The following HEXB variants were observed in gnomAD, a reference collection of about 807,000 sequenced individuals.
HEXB encodes the protein hexosaminidase subunit beta.
A neutral mutation model predicts 71.2 loss-of-function variants in HEXB; 51 were observed. The ratio of observed to expected loss-of-function variants is 0.72; its 90% CI spans 0.57 to 0.90. The LOEUF (loss-of-function observed/expected upper bound fraction) is 0.90, where lower values mean the gene tolerates loss of function less well. HEXB is among the 40% of genes least tolerant of loss of function. The pLI is 0.00. For missense variants in HEXB, 617 were observed against 677.0 expected (o/e 0.91, Z 0.98); for synonymous variants, 266 against 249.3 (o/e 1.07, Z -0.63).
chr5:74,688,733 A>T (rs1290809425), intron 1 of HEXB, among the ~76,000 whole-genome samples: 1 of 152,194 alleles, frequency 6.6e-6, no homozygotes, highest in Non-Finnish European at 1.5e-5. Context: ...GCAGGAAGGT[A>T]ACAGGAACTC....
Position 74,665,414 on chromosome 5 carries a change from CTGTG to C in HEXB, c.-376-23894_-376-23891del, listed in dbSNP as rs34012729. Among the ~76,000 whole-genome samples the C allele has an allele frequency of 6.5e-4, 97 of 150,034 alleles. 1 individual carries two copies. The highest frequency in any genetic ancestry group is 1.3e-3 in the African/African-American group (53 of 40,968). ...TCCTCATGCCCACGCACACTTTTCT[CTGTG>C]TGTGTGTGTGTGTGTGTGTAGGAGG... On this transcript the variant is annotated intron_variant, in intron 1 of 13. Transcript: ENST00000511181.
chr5:74,713,746 C>G (rs1749608999), intron 7 of HEXB, 111 bp downstream of exon 7: 1 of 839,064 alleles, frequency 1.2e-6, no homozygotes, highest in Non-Finnish European at 2.0e-6. Context: ...TCACTGCAAC[C>G]TCCACCTCCC....
chr5:74,712,199 C>A, intron 6 of HEXB, among the ~76,000 whole-genome samples: 1 of 148,714 alleles, frequency 6.7e-6, no homozygotes, highest in Admixed American at 6.8e-5. Flanking sequence ...CCAAACACCG[C>A]ATATTCTCAC....
intron 1 of HEXB, among the ~76,000 whole-genome samples, chr5:74,662,377 CTG>C (rs1748343287): frequency 6.6e-6 from 1 of 152,144 alleles, no homozygotes; most frequent in Non-Finnish European, 1.5e-5. Flanking sequence ...TTGAGTTACT[CTG>C]TGAGTGTCAT....
chr5:74,685,104 C>G (rs1250685689), upstream of HEXB: 6 of 782,454 alleles, frequency 7.7e-6, no homozygotes, highest in Admixed American at 1.5e-4. Context: ...TGGGCGAGGA[C>G]GCTCCCGGGG....
chr5:74,712,173 T>G (rs1391338541), intron 6 of HEXB, among the ~76,000 whole-genome samples: 1 of 146,690 alleles, frequency 6.8e-6, no homozygotes, highest in Non-Finnish European at 1.5e-5. Context: ...CAGTAAACTA[T>G]CACAAGAACA....
chr5:74,645,603 C>T (rs1483440454), intron 1 of HEXB, among the ~76,000 whole-genome samples: 1 of 152,158 alleles, frequency 6.6e-6, no homozygotes, highest in Non-Finnish European at 1.5e-5. Flanking sequence ...CAAGGAGTGA[C>T]ATTTCAAGGA....
In HEXB at chr5:74,685,556, G is replaced by C; in HGVS notation, c.296G>C (p.Arg99Pro). The change falls in exon 1 of 14, where the codon CGA becomes CCA. Residue 99 changes from arginine (R) to proline (P), a missense_variant. Coordinates refer to ENST00000261416, the MANE Select transcript of HEXB (RefSeq NM_000521.4). ...TGCACCCTGCTGGAGGAAGCGTTTC[G>C]ACGGTGAGCGCTCCCGGCCCGGCCG... ...PSCTLLEEAF[R>P]RYHGYIFGFY... is the part of the protein sequence containing the mutation. 3 of 1,552,320 alleles carry C rather than the reference G, an allele frequency of 1.9e-6. No individual in the cohort carries two copies. Among genetic ancestry groups the C allele is most frequent in the Non-Finnish European group, 2.6e-6 (3 of 1,152,122 alleles).
At position 74,718,357 on chromosome 5, in the gene HEXB, A is replaced by C; in HGVS notation, c.1236A>C (p.Lys412Asn). The change falls in exon 10 of 14, where the codon AAA (lysine) becomes AAC (asparagine). Residue 412 changes from lysine to asparagine, a missense_variant. By Grantham distance (94) the Lys-to-Asn change is moderately conservative (BLOSUM62 0). Transcript: ENST00000261416. ...SIVWQEVFDDKAKLAPGTIVE... is the reference protein window; with the variant it reads ...SIVWQEVFDDNAKLAPGTIVE... ...TCTGGCAGGAGGTTTTTGATGATAAAGCAAAGGTGAGCATTGTGAAGACTG... is the reference window on the plus strand; with the variant it reads ...TCTGGCAGGAGGTTTTTGATGATAACGCAAAGGTGAGCATTGTGAAGACTG... The C allele has an allele frequency of 6.2e-7, 1 of 1,603,336 alleles. No homozygotes were observed. The highest frequency in any genetic ancestry group is 8.5e-7 in the Non-Finnish European group (1 of 1,170,176).
Position 74,718,936 on chromosome 5 carries a change from G to A in HEXB, c.1382G>A (p.Arg461Lys), listed in dbSNP as rs2112180932. 1 of 1,614,094 alleles carries A rather than the reference G, an allele frequency of 6.2e-7. No individual in the cohort carries two copies. Among genetic ancestry groups the A allele is most frequent in the Non-Finnish European group, 8.5e-7 (1 of 1,180,014 alleles). ...TTGATTAGCTATGGACAAGATTGGA[G>A]GAAATACTATAAAGTGGAACCTCTT... ...LDLISYGQDW[R>K]KYYKVEPLDF... Residue 461 changes from arginine (R) to lysine (K), a missense_variant, in exon 11 of 14, where the codon AGG becomes AAG. Arg to Lys is a conservative substitution (Grantham distance 26). Coordinates refer to ENST00000261416, the MANE Select transcript of HEXB (RefSeq NM_000521.4).
intron 1 of HEXB, among the ~76,000 whole-genome samples, chr5:74,675,185 G>C (rs1018311347): frequency 1.3e-5 from 2 of 152,186 alleles, no homozygotes; most frequent in African/African-American, 4.8e-5. Context: ...AACCATCAAA[G>C]GTAAGAGGAT....
At chr5:74,653,624 T>C (rs34692858) in intron 1 of HEXB, among the ~76,000 whole-genome samples, 122,375 of 152,076 alleles carry the variant, frequency 0.8, 49,427 homozygotes, top group Admixed American at 0.86. Context: ...AGGGGTGCTT[T>C]CATAGGAGTT....
intron 6 of HEXB, 136 bp downstream of exon 6, chr5:74,705,456 G>T: frequency 2.9e-6 from 2 of 678,140 alleles, no homozygotes; most frequent in South Asian, 1.7e-5. Context: ...AATTTTTTTG[G>T]CTGTGACTTA....
At chr5:74,681,828 T>C (rs1005701101), upstream of HEXB, among the ~76,000 whole-genome samples, 1 of 152,214 alleles carries the variant, frequency 6.6e-6, no homozygotes, top group African/African-American at 2.4e-5. Flanking sequence ...GATCCACTCT[T>C]AAACTCTTCG....
chr5:74,670,092 A>G (rs542932268), intron 1 of HEXB, among the ~76,000 whole-genome samples: 24 of 152,190 alleles, frequency 1.6e-4, no homozygotes, highest in African/African-American at 5.5e-4. Flanking sequence ...AAATCCATGG[A>G]CTGATTGAGA....
chr5:74,692,591 G>A (rs1749027915), intron 2 of HEXB, among the ~76,000 whole-genome samples: 1 of 152,208 alleles, frequency 6.6e-6, no homozygotes, highest in Non-Finnish European at 1.5e-5. Flanking sequence ...CTAATGGAGT[G>A]TGGTTATCTA....
intron 1 of HEXB, among the ~76,000 whole-genome samples, chr5:74,663,670 A>G (rs963989626): frequency 2.6e-5 from 4 of 152,240 alleles, no homozygotes; most frequent in African/African-American, 9.6e-5. Flanking sequence ...GTCAGGCAGA[A>G]TTATGATTTG....
At chr5:74,662,882 T>C (rs1748353586) in intron 1 of HEXB, among the ~76,000 whole-genome samples, 1 of 152,212 alleles carries the variant, frequency 6.6e-6, no homozygotes, top group Admixed American at 6.5e-5. Flanking sequence ...TGGAGGAATT[T>C]AAGCCATTTC....
chr5:74,716,016 C>CAAAAAAAAAAAAAAAAAAAAAAAAAAA (rs71600435), intron 8 of HEXB, among the ~76,000 whole-genome samples: 1 of 64,858 alleles, frequency 1.5e-5, no homozygotes, highest in Non-Finnish European at 3.0e-5. Flanking sequence ...GACTCCATCT[C>CAAAAAAAAAAAAAAAAAAAAAAAAAAA]AAAAAAAAAA....
Sources: allele counts gnomAD v4.1 joint callset (sites outside exome capture counted in the v4.1 genomes callset), GRCh38; gene constraint gnomAD v4.1.1; transcripts MANE v1.5; gene names NCBI Gene and HGNC (gene_info 2026-07-23, HGNC 2026-07-21).